TEAD1: variants seen among roughly 807,000 people sequenced by gnomAD.
TEAD1 encodes transcriptional enhancer factor TEF-1.
TEAD1 carries 9 observed loss-of-function variants against 54.9 expected under a neutral mutation model. The observed-to-expected ratio is 0.16, with a 90% CI of 0.10 to 0.29. The LOEUF is 0.29. Among genes scored for constraint, TEAD1 ranks in the 10% least tolerant of loss-of-function variants. The pLI is 1.00. For synonymous variants in TEAD1, 200 were observed against 187.8 expected, an observed-to-expected ratio of 1.07 and a Z score of -0.53; for missense variants, 387 against 535.9, an observed-to-expected ratio of 0.72 and a Z score of 2.74.
chr11:12,819,224 G>T (rs1946477717), intron 3 of TEAD1, among the ~76,000 whole-genome samples: 1 of 151,772 alleles, frequency 6.6e-6, no homozygotes, highest in East Asian at 1.9e-4. Context: ...TCTTGTACTG[G>T]TGACTGAGTG....
intron 3 of TEAD1, among the ~76,000 whole-genome samples, chr11:12,809,501 A>G (rs1336128084): frequency 6.6e-6 from 1 of 152,160 alleles, no homozygotes; most frequent in Non-Finnish European, 1.5e-5. Context: ...GAAGAATGTC[A>G]CTGATGGAAT....
chr11:12,871,940 C>T (rs1169915429), intron 5 of TEAD1, among the ~76,000 whole-genome samples: 1 of 152,062 alleles, frequency 6.6e-6, no homozygotes, highest in African/African-American at 2.4e-5. Flanking sequence ...GACCTGAGCC[C>T]CTCTGATTAT....
chr11:12,859,067 T>A (rs1397067403), intron 3 of TEAD1, among the ~76,000 whole-genome samples: 1 of 152,168 alleles, frequency 6.6e-6, no homozygotes, highest in East Asian at 1.9e-4. Context: ...TGCAGCTCAT[T>A]GTTGACCAAA....
intron 3 of TEAD1, among the ~76,000 whole-genome samples, chr11:12,807,547 A>AAAT (rs563668200): frequency 6.2e-4 from 95 of 152,296 alleles, no homozygotes; most frequent in Middle Eastern, 6.8e-3. Context: ...GCCTTTGTTA[A>AAAT]AAGGTAGGTA....
chr11:12,679,104 C>G (rs920321582), intron 2 of TEAD1, among the ~76,000 whole-genome samples: 2 of 152,020 alleles, frequency 1.3e-5, no homozygotes. Context: ...CACTCGTTTC[C>G]TCTTCTTGAT....
rs761257207 is a variant in TEAD1, at chr11:12,881,931, A to C, written c.548A>C (p.Gln183Pro). 6.2e-7 allele frequency: 1 copy of C among 1,614,184 alleles called. No individual in the cohort carries two copies. The highest frequency in any genetic ancestry group is 8.5e-7 in the Non-Finnish European group (1 of 1,180,018). The change falls in exon 8 of 13, where the codon CAG becomes CCG. Residue 183 changes from glutamine (Q) to proline (P), a missense_variant. Gln to Pro is a moderately conservative substitution (Grantham distance 76). Around this residue, in one of 5 missense-constraint regions of TEAD1, gnomAD observed 180 missense variants for 180.6 expected, o/e 1.00. Coordinates refer to ENST00000527636, the MANE Select transcript of TEAD1 (RefSeq NM_021961.6). ...TTTGTGCAGCAGGCCTACCCCATCC[A>C]GCCAGCGGTCACAGCCCCCATTCCA...
At chr11:12,877,974 T>TGTGTG (rs1438307714) in intron 5 of TEAD1, among the ~76,000 whole-genome samples, 1 of 150,858 alleles carries the variant, frequency 6.6e-6, no homozygotes. Context: ...ATTTTTTTTT[T>TGTGTG]TGTGTGTGTG....
At chr11:12,918,323 A>T (rs1948750103) in intron 10 of TEAD1, among the ~76,000 whole-genome samples, 1 of 149,844 alleles carries the variant, frequency 6.7e-6, no homozygotes, top group South Asian at 2.1e-4. Flanking sequence ...ATATATATAA[A>T]ATTATATATA....
intron 2 of TEAD1, among the ~76,000 whole-genome samples, chr11:12,741,175 C>T (rs1944642949): frequency 6.6e-6 from 1 of 151,652 alleles, no homozygotes; most frequent in South Asian, 2.1e-4. Flanking sequence ...AGAAATTTTC[C>T]CTTATGTTTT....
chr11:12,777,127 T>G (rs541593260), intron 3 of TEAD1, among the ~76,000 whole-genome samples: 1 of 152,208 alleles, frequency 6.6e-6, no homozygotes, highest in Admixed American at 6.5e-5. Flanking sequence ...TGTGTCAATG[T>G]ACTCTCCTCT....
intron 3 of TEAD1, among the ~76,000 whole-genome samples, chr11:12,770,765 A>G (rs1945297017): frequency 6.6e-6 from 1 of 152,228 alleles, no homozygotes; most frequent in Non-Finnish European, 1.5e-5. Context: ...TATATTCTGT[A>G]CTAGAGATAT....
chr11:12,879,874 C>T (rs1424686993), intron 6 of TEAD1, 32 bp downstream of exon 6: 7 of 1,611,740 alleles, frequency 4.3e-6, no homozygotes, highest in Non-Finnish European at 5.9e-6. Flanking sequence ...GTAATGACAG[C>T]TGCTGGGGTT....
chr11:12,680,839 T>C (rs1158388373), intron 2 of TEAD1, among the ~76,000 whole-genome samples: 1 of 152,170 alleles, frequency 6.6e-6, no homozygotes, highest in Non-Finnish European at 1.5e-5. Flanking sequence ...GCGTGCCTAT[T>C]GTTATGGCAG....
rs142593257 is a variant in TEAD1 at position 12,883,590 on chromosome 11, C to G, written c.699+465C>G. ...TTTCCCAGAGTCACACAGTTAATCT[C>G]TGATGGATTAGAGATTCAAGCTCGG... is the stretch of plus-strand genomic sequence containing the variant. On this transcript the variant is annotated intron_variant, in intron 9 of 12. Transcript: ENST00000527636. Among the ~76,000 whole-genome samples the G allele has an allele frequency of 8.3e-4, 127 of 152,302 alleles. No individual in the cohort carries two copies. The East Asian group carries it at 0.02, about 24-fold the overall frequency.
intron 3 of TEAD1, among the ~76,000 whole-genome samples, chr11:12,796,325 TC>T (rs1245538518): frequency 6.6e-6 from 1 of 152,176 alleles, no homozygotes; most frequent in East Asian, 1.9e-4. Flanking sequence ...CCATAGGAAA[TC>T]AGCGTTGTTG....
At chr11:12,779,132 C>CT (rs1390449854) in intron 3 of TEAD1, among the ~76,000 whole-genome samples, 5 of 152,112 alleles carry the variant, frequency 3.3e-5, no homozygotes, top group East Asian at 1.9e-4. Context: ...GTAAATGTTA[C>CT]TTTTTTCAGA....
In TEAD1 at chr11:12,786,547, C is replaced by A. The variant is rs373194718; in HGVS notation, c.202+22113C>A. On this transcript the variant is annotated intron_variant, in intron 3 of 12. Coordinates refer to ENST00000527636, the MANE Select transcript of TEAD1 (RefSeq NM_021961.6). ...TTTTTAGTATGAGTATATCCCATGC[C>A]GTGGTTATATTTTATATAGCAACTC... Among the ~76,000 whole-genome samples the A allele has an allele frequency of 5.3e-5, 8 of 152,242 alleles. No individual in the cohort carries two copies. In the South Asian group the frequency reaches 1.7e-3, roughly 32 times the overall value.
At chr11:12,714,633 G>C (rs1944015823) in intron 2 of TEAD1, among the ~76,000 whole-genome samples, 1 of 152,192 alleles carries the variant, frequency 6.6e-6, no homozygotes, top group Non-Finnish European at 1.5e-5. Context: ...TCCAGTAGTA[G>C]TTTCCTGGGG....
chr11:12,928,296 T>G (rs1441582782), intron 11 of TEAD1, among the ~76,000 whole-genome samples: 2 of 151,408 alleles, frequency 1.3e-5, no homozygotes, highest in African/African-American at 4.9e-5. Context: ...TTTTTTTTTT[T>G]TTGAGATGGG....
Sources: gnomAD v4.1 joint callset for allele counts (sites outside exome capture counted in the v4.1 genomes callset) on GRCh38, gnomAD v4.1.1 for gene constraint, gnomAD v4.1.1 regional missense constraint, MANE v1.5 for transcripts, NCBI Gene and HGNC (gene_info 2026-07-23, HGNC 2026-07-21) for gene names.